ARHGEF28: variants seen among roughly 807,000 people sequenced by gnomAD.
The protein encoded by ARHGEF28 is Rho guanine nucleotide exchange factor 28, also known as 190 kDa guanine nucleotide exchange factor.
In ARHGEF28, 152 loss-of-function variants were observed where a neutral mutation model predicts 206.6. The ratio of observed to expected loss-of-function variants is 0.74; its 90% CI spans 0.64 to 0.84. The LOEUF (loss-of-function observed/expected upper bound fraction) is 0.84, where lower values mean the gene tolerates loss of function less well. Among genes scored for constraint, ARHGEF28 ranks in the 40% least tolerant of loss-of-function variants. The pLI, the probability that ARHGEF28 is intolerant of heterozygous loss-of-function variation, is 0.00. For synonymous variants in ARHGEF28, 763 were observed against 776.4 expected, an observed-to-expected ratio of 0.98 and a Z score of 0.29; for missense variants, 2,028 against 2,073.2, an observed-to-expected ratio of 0.98 and a Z score of 0.42.
chr5:73,853,105 G>A (rs556641244), intron 14 of ARHGEF28, among the ~76,000 whole-genome samples: 30 of 152,176 alleles, frequency 2.0e-4, no homozygotes, highest in Non-Finnish European at 4.1e-4. Context: ...ATGGATTTTT[G>A]CCTAGTAGCC....
intron 2 of ARHGEF28, among the ~76,000 whole-genome samples, chr5:73,685,747 C>G (rs1288368160): frequency 6.6e-6 from 1 of 152,098 alleles, no homozygotes; most frequent in African/African-American, 2.4e-5. Flanking sequence ...CTCAGCCTCC[C>G]AAGTAGCTGG....
At chr5:73,771,803 A>G (rs1265212494) in intron 4 of ARHGEF28, among the ~76,000 whole-genome samples, 3 of 152,216 alleles carry the variant, frequency 2.0e-5, no homozygotes, top group Non-Finnish European at 2.9e-5. Context: ...AATGGTCAAA[A>G]GTTAAAGGAT....
At chr5:73,860,312 T>C (rs962519893) in intron 16 of ARHGEF28, among the ~76,000 whole-genome samples, 13 of 152,196 alleles carry the variant, frequency 8.5e-5, no homozygotes, top group Non-Finnish European at 8.8e-5. Flanking sequence ...AGAGGCTGAG[T>C]ACCCATGTAA....
At chr5:73,761,178 A>G (rs1342176787) in intron 4 of ARHGEF28, among the ~76,000 whole-genome samples, 1 of 152,192 alleles carries the variant, frequency 6.6e-6, no homozygotes, top group Non-Finnish European at 1.5e-5. Context: ...CAGGATGCAT[A>G]TAGCAGTTTT....
At position 73,904,264 on chromosome 5, in the gene ARHGEF28, A is replaced by G; in HGVS notation, c.4113+4A>G. On this transcript the variant is annotated splice_donor_region_variant and intron_variant, in intron 32 of 35. Transcript: ENST00000513042. ...TCCAGGTTCTTCACAATCAGAGGTG[A>G]GCTGCTGCACATACCTTAAATGTAT... 1 of 1,613,942 alleles carries G rather than the reference A, an allele frequency of 6.2e-7. No individual in the cohort carries two copies. The highest frequency in any genetic ancestry group is 8.5e-7 in the Non-Finnish European group (1 of 1,179,828).
At chr5:73,854,747 GCTTGAAC>G (rs1758909929) in intron 14 of ARHGEF28, among the ~76,000 whole-genome samples, 1 of 151,882 alleles carries the variant, frequency 6.6e-6, no homozygotes, top group Non-Finnish European at 1.5e-5. Context: ...CAGAAGAATG[GCTTGAAC>G]CTGGAACGCG....
chr5:73,824,611 G>A (rs1756786642), intron 9 of ARHGEF28, among the ~76,000 whole-genome samples: 1 of 152,028 alleles, frequency 6.6e-6, no homozygotes, highest in African/African-American at 2.4e-5. Flanking sequence ...TGGGATTACA[G>A]CATGCGCCAT....
At chr5:73,716,464 T>G (rs1336128357) in intron 2 of ARHGEF28, among the ~76,000 whole-genome samples, 1 of 152,246 alleles carries the variant, frequency 6.6e-6, no homozygotes, top group Non-Finnish European at 1.5e-5. Context: ...TAATGCTTAT[T>G]GCTAGTGCAG....
At chr5:73,924,227 C>G (rs928802654) in intron 35 of ARHGEF28, among the ~76,000 whole-genome samples, 1 of 152,196 alleles carries the variant, frequency 6.6e-6, no homozygotes, top group Non-Finnish European at 1.5e-5. Flanking sequence ...ATGAACACAT[C>G]AAGTGCACTT....
intron 6 of ARHGEF28, among the ~76,000 whole-genome samples, chr5:73,779,562 G>A (rs773989087): frequency 3.3e-5 from 5 of 152,254 alleles, no homozygotes; most frequent in South Asian, 2.1e-4. Flanking sequence ...GAAAGACGGG[G>A]GGTCAGGGCT....
At chr5:73,881,524 C>G (rs1403179596) in intron 22 of ARHGEF28, among the ~76,000 whole-genome samples, 1 of 151,852 alleles carries the variant, frequency 6.6e-6, no homozygotes, top group African/African-American at 2.4e-5. Context: ...AGATTTGTAC[C>G]CAGGTGATTT....
At chr5:73,886,975 A>C (rs56093818) in intron 25 of ARHGEF28, among the ~76,000 whole-genome samples, 7,152 of 152,326 alleles carry the variant, frequency 0.047, 216 homozygotes, top group Middle Eastern at 0.092. Context: ...AGGATGATCA[A>C]GTTTGGATGG....
intron 35 of ARHGEF28, among the ~76,000 whole-genome samples, chr5:73,930,593 C>T (rs1764056595): frequency 6.6e-6 from 1 of 152,192 alleles, no homozygotes. Flanking sequence ...TTCGTGAGAA[C>T]TAAGCTCTTT....
At chr5:73,726,901 G>C (rs1161584087) in intron 2 of ARHGEF28, among the ~76,000 whole-genome samples, 1 of 151,948 alleles carries the variant, frequency 6.6e-6, no homozygotes, top group African/African-American at 2.4e-5. Context: ...TAGAAAGCTG[G>C]GTCTGAAAAT....
Position 73,940,907 on chromosome 5 carries a change from T to C in ARHGEF28, c.5012T>C (p.Leu1671Pro). The C allele has an allele frequency of 6.5e-7, 1 of 1,534,714 alleles. No individual in the cohort carries two copies. The highest frequency in any genetic ancestry group is 8.7e-7 in the Non-Finnish European group (1 of 1,146,646). The change falls in exon 36 of 36, where the codon CTG becomes CCG. Residue 1671 changes from leucine (L) to proline (P), a missense_variant. Leu to Pro is a moderately conservative substitution (Grantham distance 98). Around this residue, in one of 3 missense-constraint regions of ARHGEF28, gnomAD observed 803 missense variants for 768.0 expected, o/e 1.05. Coordinates refer to ENST00000513042, the MANE Select transcript of ARHGEF28 (RefSeq NM_001177693.2). ...PHDSNSHRPQ[L>P]QAFITEAKLN... ...GACTCAAATTCACACCGCCCTCAAC[T>C]GCAGGCGTTTATAACAGAAGCAAAG... is the stretch of plus-strand genomic sequence containing the variant.
chr5:73,903,973 A>G, intron 31 of ARHGEF28: 1 of 527,882 alleles, frequency 1.9e-6, no homozygotes, highest in Non-Finnish European at 3.3e-6. Context: ...TGTTGTTTTA[A>G]GGGGTGATTG....
At chr5:73,740,652 T>TC (rs764780323) in intron 2 of ARHGEF28, among the ~76,000 whole-genome samples, 96 of 152,278 alleles carry the variant, frequency 6.3e-4, no homozygotes, top group Non-Finnish European at 1.1e-3. Flanking sequence ...AGCAAAACAG[T>TC]CCCAGTTCCT....
At chr5:73,874,543 T>C (rs1294786367) in intron 22 of ARHGEF28, among the ~76,000 whole-genome samples, 2 of 107,870 alleles carry the variant, frequency 1.9e-5, no homozygotes, top group African/African-American at 3.8e-5. Flanking sequence ...GTATATCTCC[T>C]AATGCTATCC....
chr5:73,894,275 G>C, intron 28 of ARHGEF28, 118 bp from the exon 29 acceptor site: 1 of 1,018,930 alleles, frequency 9.8e-7, no homozygotes, highest in Non-Finnish European at 1.4e-6. Flanking sequence ...TCATCAACCT[G>C]GGTTTTCTCT....
Sources: allele counts gnomAD v4.1 joint callset (sites outside exome capture counted in the v4.1 genomes callset), GRCh38; gene constraint gnomAD v4.1.1; regional missense constraint gnomAD v4.1.1; transcripts MANE v1.5; gene names NCBI Gene and HGNC (gene_info 2026-07-23, HGNC 2026-07-21).